OLAH: variants seen among roughly 807,000 people sequenced by gnomAD.
The protein encoded by OLAH is oleoyl-ACP hydrolase, also known as S-acyl fatty acid synthase thioesterase, medium chain.
In OLAH, 33 loss-of-function variants were observed where a neutral mutation model predicts 27.8. The ratio of observed to expected loss-of-function variants is 1.19; its 90% confidence interval spans 0.90 to 1.59. The LOEUF is 1.59. Ranked by LOEUF, OLAH falls within the 40% of genes most tolerant of loss-of-function variation. OLAH has a pLI of 0.00. For synonymous variants in OLAH, 120 were observed against 102.9 expected (o/e 1.17, Z -1.01); for missense variants, 359 against 310.8 (o/e 1.16, Z -1.17).
chr10:15,032,937 A>G lies in OLAH; in HGVS notation c.-164+587A>G, dbSNP rs557236464. Among the ~76,000 whole-genome samples the G allele has an allele frequency of 3.9e-5, 6 of 152,160 alleles. No individual in the cohort carries two copies. In the East Asian group the frequency reaches 9.7e-4, roughly 24 times the overall value. On this transcript the variant is annotated intron_variant, in intron 1 of 3. Coordinates refer to the OLAH transcript ENST00000413672. Reference sequence around the variant, plus strand: ...GCCCAGGCTGGAGTGCAGTGGTGCAATCTTGGCTCACTGCAACCTCCACCT... The same window carrying G: ...GCCCAGGCTGGAGTGCAGTGGTGCAGTCTTGGCTCACTGCAACCTCCACCT...
chr10:15,071,306 T>A (rs1406260327), intron 6 of OLAH, among the ~76,000 whole-genome samples: 1 of 152,118 alleles, frequency 6.6e-6, no homozygotes, highest in Non-Finnish European at 1.5e-5. Context: ...CTGTAATGTC[T>A]CTCTCCCAGC....
chr10:15,053,006 G>A (rs1343909461), intron 3 of OLAH, among the ~76,000 whole-genome samples: 1 of 152,132 alleles, frequency 6.6e-6, no homozygotes, highest in African/African-American at 2.4e-5. Flanking sequence ...CTCCTAAAGT[G>A]CTGGGATTAC....
At chr10:15,035,061 A>G (rs1175544614) in intron 1 of OLAH, among the ~76,000 whole-genome samples, 1 of 151,978 alleles carries the variant, frequency 6.6e-6, no homozygotes, top group Admixed American at 6.6e-5. Flanking sequence ...CGGCCTCCCA[A>G]AGTGCTGGGA....
At chr10:15,047,012 T>C in intron 1 of OLAH, 114 bp from the exon 2 acceptor site, 1 of 355,308 alleles carries the variant, frequency 2.8e-6, no homozygotes, top group South Asian at 5.2e-5. Context: ...CTGAATAACA[T>C]CAGTTGTGTT....
Position 15,058,756 on chromosome 10 carries a change from T to A in OLAH, c.164-2968T>A, listed in dbSNP as rs560100675. Reference sequence around the variant, plus strand: ...GAAGTTCCTTTAATATTTATTTTAGTGCAAGTCTGCTGGCATTGAATTCTC... The same window carrying A: ...GAAGTTCCTTTAATATTTATTTTAGAGCAAGTCTGCTGGCATTGAATTCTC... On this transcript the variant is annotated intron_variant, in intron 3 of 7. Transcript: ENST00000378228. Among the ~76,000 whole-genome samples the A allele has an allele frequency of 4.1e-4, 63 of 152,350 alleles. 1 individual carries two copies. The highest frequency in any genetic ancestry group is 6.8e-4 in the Non-Finnish European group (46 of 68,040).
intron 1 of OLAH, among the ~76,000 whole-genome samples, chr10:15,034,115 CTT>C (rs1285548864): frequency 9.0e-5 from 7 of 77,866 alleles, no homozygotes; most frequent in Admixed American, 1.2e-4. Flanking sequence ...TTTTTTTTTT[CTT>C]TTTTTTTTTT....
rs919287734 is a variant in OLAH, at chr10:15,073,525, T to C, written c.*296T>C. The C allele has an allele frequency of 1.1e-4, 25 of 227,898 alleles. No homozygotes were observed. The highest frequency in any genetic ancestry group is 1.9e-4 in the Non-Finnish European group (22 of 116,886). The allele number at this position is 227,898 out of a possible 1,614,324, so 14.1% of individuals were successfully genotyped here. A position where few individuals can be genotyped will look rare whatever the true frequency, so the allele number is the denominator to read the frequency against. The stretch of plus-strand genomic sequence containing the variant: ...AATACACAAAATTAGCCGGGCGTGG[T>C]GGTGGGCACCTGTAGTCCCAGCTAC... On this transcript the variant is annotated 3_prime_UTR_variant, in exon 8 of 8. Transcript: ENST00000378228.
intron 7 of OLAH, 49 bp downstream of exon 7, chr10:15,071,926 G>A: frequency 6.9e-7 from 1 of 1,441,928 alleles, no homozygotes. Context: ...TATGTTTGAT[G>A]GCTTTAAAAT....
chr10:15,063,190 A>C (rs1030261458), intron 4 of OLAH, among the ~76,000 whole-genome samples: 2 of 152,186 alleles, frequency 1.3e-5, no homozygotes, highest in Non-Finnish European at 2.9e-5. Context: ...GCAGTGGTGC[A>C]ATCATGGCTC....
intron 2 of OLAH, among the ~76,000 whole-genome samples, chr10:15,048,848 T>G (rs918775290): frequency 5.3e-5 from 8 of 152,122 alleles, no homozygotes; most frequent in African/African-American, 1.9e-4. Context: ...ATTTTTGTAA[T>G]CCCAGCACTT....
At chr10:15,039,370 G>A (rs1418598087), upstream of OLAH, among the ~76,000 whole-genome samples, 1 of 152,140 alleles carries the variant, frequency 6.6e-6, no homozygotes, top group Non-Finnish European at 1.5e-5. Context: ...CTGAGGTCAG[G>A]AGTTCGAGAC....
chr10:15,066,526 T>C (rs1844470210), intron 6 of OLAH, among the ~76,000 whole-genome samples: 1 of 152,064 alleles, frequency 6.6e-6, no homozygotes, highest in Non-Finnish European at 1.5e-5. Flanking sequence ...GGGATGTCTG[T>C]ATAGACACTT....
chr10:15,042,962 A>G (rs940391988), upstream of OLAH, among the ~76,000 whole-genome samples: 8 of 142,376 alleles, frequency 5.6e-5, no homozygotes, highest in East Asian at 4.2e-4. Context: ...CCGGGTTCAC[A>G]CCATTCTCCT....
chr10:15,065,183 A>C (rs1844443598), intron 5 of OLAH, among the ~76,000 whole-genome samples: 1 of 152,196 alleles, frequency 6.6e-6, no homozygotes, highest in Admixed American at 6.5e-5. Flanking sequence ...GAGCAAAGTA[A>C]CTGGATCAGA....
chr10:15,049,205 C>G (rs533171325), intron 2 of OLAH, among the ~76,000 whole-genome samples: 47 of 143,136 alleles, frequency 3.3e-4, no homozygotes, highest in Non-Finnish European at 4.9e-4. Flanking sequence ...GCAGTCATAG[C>G]TCTCTGCACC....
intron 1 of OLAH, among the ~76,000 whole-genome samples, chr10:15,036,189 T>TTTTA (rs1564523882): frequency 6.6e-6 from 1 of 152,150 alleles, no homozygotes; most frequent in Admixed American, 6.5e-5. Flanking sequence ...CTCTAAGAAT[T>TTTTA]TTTATTTATT....
intron 1 of OLAH, among the ~76,000 whole-genome samples, chr10:15,035,567 A>T (rs1471275765): frequency 6.6e-6 from 1 of 152,114 alleles, no homozygotes; most frequent in Non-Finnish European, 1.5e-5. Context: ...GACAGCACCA[A>T]GCCACGTGGG....
chr10:15,065,372 A>G (rs1188610044), intron 5 of OLAH, among the ~76,000 whole-genome samples: 1 of 152,144 alleles, frequency 6.6e-6, no homozygotes, highest in African/African-American at 2.4e-5. Context: ...CTACAAAGCC[A>G]TTTTGGTGGC....
chr10:15,065,147 G>T (rs1844442947), intron 5 of OLAH, among the ~76,000 whole-genome samples: 2 of 152,024 alleles, frequency 1.3e-5, no homozygotes, highest in Admixed American at 1.3e-4. Flanking sequence ...CTTCATTGTG[G>T]GTCAGCTGGG....
Sources: allele counts gnomAD v4.1 joint callset (sites outside exome capture counted in the v4.1 genomes callset), GRCh38; gene constraint gnomAD v4.1.1; transcripts MANE v1.5; gene names NCBI Gene and HGNC (gene_info 2026-07-23, HGNC 2026-07-21).